The following BCL2L13 variants were observed in gnomAD, a reference collection of about 807,000 sequenced individuals.
The protein encoded by BCL2L13 is bcl-2-like protein 13.
A neutral mutation model predicts 25.8 loss-of-function variants in BCL2L13; 13 were observed. The observed-to-expected ratio is 0.50, with a 90% CI of 0.33 to 0.80. The LOEUF is 0.80. Ranked by LOEUF, BCL2L13 falls within the 30% of genes least tolerant of loss-of-function variation. The pLI, the probability that BCL2L13 is intolerant of heterozygous loss-of-function variation, is 0.02. For missense variants in BCL2L13, 504 were observed against 574.9 expected (o/e 0.88, Z 1.26); for synonymous variants, 244 against 230.3 (o/e 1.06, Z -0.54).
intron 2 of BCL2L13, among the ~76,000 whole-genome samples, chr22:17,666,156 T>C (rs2146583827): frequency 6.6e-6 from 1 of 152,218 alleles, no homozygotes; most frequent in Admixed American, 6.5e-5. Flanking sequence ...TCTCATTGAG[T>C]GTATCTCATT....
upstream of BCL2L13, among the ~76,000 whole-genome samples, chr22:17,634,960 GAAA>G: frequency 2.9e-5 from 3 of 101,988 alleles, no homozygotes; most frequent in South Asian, 9.1e-4. Context: ...GTCTCAAAAG[GAAA>G]AAAAAAAAAA....
intron 2 of BCL2L13, among the ~76,000 whole-genome samples, chr22:17,674,617 AAAAAAG>A (rs1364503302): frequency 1.4e-4 from 21 of 151,154 alleles, no homozygotes; most frequent in Non-Finnish European, 1.0e-4. Flanking sequence ...AAAAAAAAAA[AAAAAAG>A]AAAGAAAGAA....
intron 6 of BCL2L13, among the ~76,000 whole-genome samples, chr22:17,717,412 C>T (rs530560593): frequency 6.3e-4 from 87 of 137,510 alleles, no homozygotes; most frequent in Non-Finnish European, 9.9e-4. Flanking sequence ...TTCCCTCTTC[C>T]GTGAATCTCT....
chr22:17,719,842 A>AC (rs1555897075), intron 6 of BCL2L13, among the ~76,000 whole-genome samples: 2,293 of 109,486 alleles, frequency 0.021, 98 homozygotes, highest in Non-Finnish European at 0.035. Context: ...AAAAAAAAAA[A>AC]AAAAAAAAGA....
At chr22:17,722,895 T>A (rs1463379739) in intron 6 of BCL2L13, among the ~76,000 whole-genome samples, 1 of 152,184 alleles carries the variant, frequency 6.6e-6, no homozygotes, top group African/African-American at 2.4e-5. Context: ...TTATGTAGAG[T>A]TATTGTACAA....
At chr22:17,645,912 A>G (rs36025209) in intron 1 of BCL2L13, among the ~76,000 whole-genome samples, 1 of 151,562 alleles carries the variant, frequency 6.6e-6, no homozygotes, top group African/African-American at 2.4e-5. Context: ...AACAATAAAA[A>G]CAATACAAAT....
chr22:17,630,883 G>A (rs951655765), intron 1 of BCL2L13, among the ~76,000 whole-genome samples: 5 of 151,796 alleles, frequency 3.3e-5, no homozygotes, highest in Admixed American at 6.6e-5. Flanking sequence ...GAGCCACCGC[G>A]CCCAGCCATA....
At chr22:17,721,104 A>G (rs75227197) in intron 6 of BCL2L13, among the ~76,000 whole-genome samples, 7,975 of 151,858 alleles carry the variant, frequency 0.053, 349 homozygotes, top group African/African-American at 0.12. Context: ...CGGGAGGTGG[A>G]GCTTACAGTG....
At chr22:17,641,356 G>A (rs1724978295) in intron 1 of BCL2L13, among the ~76,000 whole-genome samples, 1 of 152,064 alleles carries the variant, frequency 6.6e-6, no homozygotes, top group Non-Finnish European at 1.5e-5. Flanking sequence ...TATATACAAA[G>A]TGGGGGTGGG....
Position 17,650,198 on chromosome 22 carries a change from A to G in BCL2L13, c.-50-5464A>G, listed in dbSNP as rs1167089474. Among the ~76,000 whole-genome samples the G allele has an allele frequency of 2.0e-5, 3 of 152,090 alleles. No individual in the cohort carries two copies. The East Asian group carries it at 5.8e-4, about 29-fold the overall frequency. ...TCTTCTTATTTTCATTCTTCTTGAC[A>G]TGTTACTACGTTTGACACAGTTGTT... On this transcript the variant is annotated intron_variant, in intron 1 of 6. Transcript: ENST00000317582.
intron 2 of BCL2L13, among the ~76,000 whole-genome samples, chr22:17,657,371 TTAA>T (rs1568936598): frequency 8.6e-5 from 4 of 46,294 alleles, no homozygotes; most frequent in Admixed American, 6.7e-4. Context: ...TCTTCTCTAC[TTAA>T]CTCTACTTTG....
intron 6 of BCL2L13, among the ~76,000 whole-genome samples, chr22:17,710,067 TAAAAAAAA>T (rs71201876): frequency 2.9e-4 from 27 of 91,806 alleles, no homozygotes; most frequent in South Asian, 2.0e-3. Context: ...GACCTTGTCT[TAAAAAAAA>T]AAAAAAAAAA....
chr22:17,654,121 A>G (rs758618298), intron 1 of BCL2L13, among the ~76,000 whole-genome samples: 3 of 151,808 alleles, frequency 2.0e-5, no homozygotes, highest in Non-Finnish European at 4.4e-5. Flanking sequence ...TGTTTTTGTT[A>G]TTGAGACAGG....
At chr22:17,652,731 C>G (rs2058726955) in intron 1 of BCL2L13, among the ~76,000 whole-genome samples, 1 of 152,072 alleles carries the variant, frequency 6.6e-6, no homozygotes, top group South Asian at 2.1e-4. Context: ...AGCCATCGTG[C>G]CCGGCCATCA....
intron 2 of BCL2L13, among the ~76,000 whole-genome samples, chr22:17,676,161 A>G (rs182946495): frequency 7.2e-5 from 11 of 152,182 alleles, no homozygotes; most frequent in African/African-American, 2.6e-4. Context: ...GGTGGGTATT[A>G]TTTTCCCATT....
intron 6 of BCL2L13, among the ~76,000 whole-genome samples, chr22:17,726,238 C>G (rs1013831101): frequency 5.9e-5 from 9 of 151,862 alleles, no homozygotes; most frequent in African/African-American, 2.2e-4. Flanking sequence ...ATAATTGCAG[C>G]TACTGGGAAG....
chr22:17,711,075 G>A (rs1486827949), intron 6 of BCL2L13, among the ~76,000 whole-genome samples: 1 of 151,542 alleles, frequency 6.6e-6, no homozygotes, highest in Non-Finnish European at 1.5e-5. Context: ...AAAGCCAGGC[G>A]TGGTGGTGCG....
At chr22:17,658,432 C>T (rs1245691249) in intron 2 of BCL2L13, among the ~76,000 whole-genome samples, 1 of 152,072 alleles carries the variant, frequency 6.6e-6, no homozygotes, top group African/African-American at 2.4e-5. Flanking sequence ...GTGCCTCATG[C>T]CTGTAATCCC....
rs1491171137 is a variant in BCL2L13, at chr22:17,722,378, G to GCGTGTGTGTGTGTGT, written c.601-4299_601-4298insCGTGTGTGTGTGTGT. On this transcript the variant is annotated intron_variant, in intron 6 of 6. Transcript: ENST00000317582. ...TGAGTTGAGTAGATGAGACTACAGG[G>GCGTGTGTGTGTGTGT]GTGTGTGTGTGTGTGTGTGTGTGTG... is the stretch of plus-strand genomic sequence containing the variant. 3.1e-3 allele frequency among the ~76,000 whole-genome samples: 376 copies of GCGTGTGTGTGTGTGT among 122,116 alleles called. 5 individuals are homozygous for GCGTGTGTGTGTGTGT. The highest frequency in any genetic ancestry group is 0.011 in the African/African-American group (256 of 24,372). 80.1% of individuals were successfully genotyped at this position (122,116 alleles called of 152,430 possible). A position where few individuals can be genotyped will look rare whatever the true frequency, so the allele number is the denominator to read the frequency against.
Sources: allele counts gnomAD v4.1 joint callset (sites outside exome capture counted in the v4.1 genomes callset), GRCh38; gene constraint gnomAD v4.1.1; transcripts MANE v1.5; gene names NCBI Gene and HGNC (gene_info 2026-07-23, HGNC 2026-07-21).